The following SLC22A23 variants were observed in gnomAD, a reference collection of about 807,000 sequenced individuals.
SLC22A23 encodes solute carrier family 22 member 23.
In SLC22A23, 26 loss-of-function variants were observed where a neutral mutation model predicts 61.0. The observed-to-expected ratio is 0.43, with a 90% confidence interval of 0.31 to 0.59. SLC22A23 has a LOEUF of 0.59. SLC22A23 is among the 20% of genes least tolerant of loss of function. The pLI, the probability that SLC22A23 is intolerant of heterozygous loss-of-function variation, is 0.11. For synonymous variants in SLC22A23, 430 were observed against 413.9 expected (o/e 1.04, Z -0.47); for missense variants, 796 against 934.7 (o/e 0.85, Z 1.94).
chr6:3,418,930 C>T (rs142039596), intron 1 of SLC22A23, among the ~76,000 whole-genome samples: 17 of 152,212 alleles, frequency 1.1e-4, no homozygotes, highest in Middle Eastern at 3.4e-3. Flanking sequence ...AAAAATGTGT[C>T]GGGAAAAGAA....
intron 6 of SLC22A23, among the ~76,000 whole-genome samples, chr6:3,287,503 C>T (rs925433369): frequency 4.6e-5 from 7 of 152,088 alleles, no homozygotes; most frequent in Non-Finnish European, 8.8e-5. Context: ...CAGAGCAGCT[C>T]GCACGAGGCT....
rs957385912 is a variant in SLC22A23, at chr6:3,297,844, G to T, written c.1210+247C>A. Among the ~76,000 whole-genome samples, 1 of 152,194 alleles carries T rather than the reference G, an allele frequency of 6.6e-6. No individual in the cohort carries two copies. Among genetic ancestry groups the T allele is most frequent in the Non-Finnish European group, 1.5e-5 (1 of 68,042 alleles). On this transcript the variant is annotated intron_variant, in intron 5 of 9. Coordinates refer to ENST00000406686, the MANE Select transcript of SLC22A23 (RefSeq NM_015482.2). The surrounding 1 kb of genome is among the most constrained non-coding windows in gnomAD (Gnocchi z 4.3). ...TTGAGCAGTGTATATTGGGCTCATG[G>T]CTCGCTTCTGCATTTAGACAGGAGA...
chr6:3,289,974 A>T, intron 5 of SLC22A23, 108 bp from the exon 6 acceptor site: 23 of 570,952 alleles, frequency 4.0e-5, no homozygotes, highest in Non-Finnish European at 6.0e-5. Flanking sequence ...CAGAAGGGAG[A>T]GAGAAGCTTT....
chr6:3,286,998 G>A lies in SLC22A23; in HGVS notation c.1407C>T (p.Tyr469=), dbSNP rs760186741. Residue 469 remains tyrosine (Y), a synonymous_variant, in exon 7 of 10, where the codon TAC becomes TAT. Transcript: ENST00000406686. This position sits in a 1 kb window ranked among gnomAD's most constrained non-coding sequence, Gnocchi z 4.2. ...VPLLENFYAD[Y]YTTASIALVS... Reference sequence around the variant, plus strand: ...CCAGCGCGATGCTGGCCGTGGTATAGTAGTCAGCATAGAAGTTCTCCAGGA... The same window carrying A: ...CCAGCGCGATGCTGGCCGTGGTATAATAGTCAGCATAGAAGTTCTCCAGGA... The A allele has an allele frequency of 3.1e-6, 5 of 1,614,090 alleles. No individual in the cohort carries two copies. Among genetic ancestry groups the A allele is most frequent in the Admixed American group, 3.3e-5 (2 of 60,012 alleles).
Position 3,324,563 on chromosome 6 carries a change from G to C in SLC22A23, c.914-561C>G, listed in dbSNP as rs2127400916. ...GGCAACCTACTCACACTGTGAGACA[G>C]AGGGAGACTGAGCTAAGTCTCAGCT... is the stretch of plus-strand genomic sequence containing the variant. On this transcript the variant is annotated intron_variant, in intron 3 of 9. Coordinates refer to ENST00000406686, the MANE Select transcript of SLC22A23 (RefSeq NM_015482.2). The surrounding 1 kb of genome is among the most constrained non-coding windows in gnomAD (Gnocchi z 4.3). 6.6e-6 allele frequency among the ~76,000 whole-genome samples: 1 copy of C among 152,334 alleles called. No individual in the cohort carries two copies. The highest frequency in any genetic ancestry group is 1.9e-4 in the East Asian group (1 of 5,178).
At chr6:3,369,685 C>T (rs1213307327) in intron 3 of SLC22A23, among the ~76,000 whole-genome samples, 2 of 75,106 alleles carry the variant, frequency 2.7e-5, no homozygotes, top group Admixed American at 2.2e-4. Context: ...AGTGAGACTC[C>T]ATCTCAAAAA....
intron 5 of SLC22A23, among the ~76,000 whole-genome samples, chr6:3,294,768 A>T (rs1205908585): frequency 6.6e-6 from 1 of 152,220 alleles, no homozygotes; most frequent in Non-Finnish European, 1.5e-5. Context: ...ACACACCCAC[A>T]TATCTAAACT....
intron 3 of SLC22A23, among the ~76,000 whole-genome samples, chr6:3,408,329 A>G (rs1321000869): frequency 6.6e-6 from 1 of 152,242 alleles, no homozygotes; most frequent in Non-Finnish European, 1.5e-5. Flanking sequence ...CTTCAACATA[A>G]TATTTTGTAG....
chr6:3,348,133 G>A (rs1027328898), intron 3 of SLC22A23, among the ~76,000 whole-genome samples: 11 of 152,220 alleles, frequency 7.2e-5, no homozygotes, highest in African/African-American at 2.4e-4. Context: ...GAAGGCTCCA[G>A]GAGGAAAGAG....
At chr6:3,279,782 C>T (rs78408521) in intron 9 of SLC22A23, among the ~76,000 whole-genome samples, 3,270 of 152,132 alleles carry the variant, frequency 0.021, 118 homozygotes, top group African/African-American at 0.074. Flanking sequence ...GCTTGATTTA[C>T]GGACAGAGAA....
chr6:3,441,605 A>G (rs1343266310), intron 1 of SLC22A23, among the ~76,000 whole-genome samples: 2 of 152,048 alleles, frequency 1.3e-5, no homozygotes, highest in East Asian at 3.9e-4. Flanking sequence ...TTCCCTGCCC[A>G]CTGACGGAAG....
chr6:3,273,039 G>A lies in SLC22A23; in HGVS notation c.*16C>T, dbSNP rs575736243. 6.6e-7 allele frequency: 1 copy of A among 1,523,022 alleles called. No individual in the cohort carries two copies. Among genetic ancestry groups the A allele is most frequent in the Middle Eastern group, 1.8e-4 (1 of 5,610 alleles). 94.3% of individuals were successfully genotyped at this position (1,523,022 alleles called of 1,614,324 possible). ...AGCTGCCCCAGACCCTGGAGCCCCGGGTTCCGCAGGCCGGGCTACATGGCC... is the reference window on the plus strand; with the variant it reads ...AGCTGCCCCAGACCCTGGAGCCCCGAGTTCCGCAGGCCGGGCTACATGGCC... On this transcript the variant is annotated 3_prime_UTR_variant, in exon 10 of 10. Coordinates refer to ENST00000406686, the MANE Select transcript of SLC22A23 (RefSeq NM_015482.2).
chr6:3,288,054 C>T (rs1367601446), intron 6 of SLC22A23, among the ~76,000 whole-genome samples: 1 of 152,184 alleles, frequency 6.6e-6, no homozygotes, highest in Non-Finnish European at 1.5e-5. Flanking sequence ...TATTGCCCCA[C>T]ACGAGCGTAT....
At chr6:3,428,228 C>T (rs1174243030) in intron 1 of SLC22A23, among the ~76,000 whole-genome samples, 2 of 152,230 alleles carry the variant, frequency 1.3e-5, no homozygotes, top group African/African-American at 4.8e-5. Flanking sequence ...CAAGTCGCGG[C>T]CCTCACCAGA....
At chr6:3,407,412 C>T (rs6596966) in intron 3 of SLC22A23, among the ~76,000 whole-genome samples, 27,598 of 152,180 alleles carry the variant, frequency 0.18, 4,309 homozygotes, top group African/African-American at 0.43. Context: ...TCTCCTAAGA[C>T]TGCCATGTGT....
Position 3,374,875 on chromosome 6 carries a change from T to C in SLC22A23, c.913+35313A>G, listed in dbSNP as rs990972030. ...CCATCTCTGACATTCTTTCCCACTT[T>C]ATCCTTTTAGGATTCTAATAGACTC... is the stretch of plus-strand genomic sequence containing the variant. On this transcript the variant is annotated intron_variant, in intron 3 of 9. Coordinates refer to ENST00000406686, the MANE Select transcript of SLC22A23 (RefSeq NM_015482.2). Among the ~76,000 whole-genome samples, 6 of 152,322 alleles carry C rather than the reference T, an allele frequency of 3.9e-5. No individual in the cohort carries two copies. In the East Asian group the frequency reaches 1.2e-3, roughly 29 times the overall value.
intron 3 of SLC22A23, among the ~76,000 whole-genome samples, chr6:3,381,654 T>G (rs1204089377): frequency 6.6e-6 from 1 of 152,230 alleles, no homozygotes; most frequent in Non-Finnish European, 1.5e-5. Flanking sequence ...GCCTTCTCTC[T>G]GCTCCATTTA....
intron 3 of SLC22A23, among the ~76,000 whole-genome samples, chr6:3,405,320 TG>T (rs1169599147): frequency 6.6e-6 from 1 of 152,094 alleles, no homozygotes; most frequent in Non-Finnish European, 1.5e-5. Context: ...CTCATTTCCT[TG>T]GTGGAAATAG....
At chr6:3,298,630 G>A (rs1378296321) in intron 4 of SLC22A23, among the ~76,000 whole-genome samples, 1 of 152,196 alleles carries the variant, frequency 6.6e-6, no homozygotes, top group African/African-American at 2.4e-5. Context: ...ACTGTAGGAT[G>A]ACCATAGCTA....
Sources: gnomAD v4.1 joint callset for allele counts (sites outside exome capture counted in the v4.1 genomes callset) on GRCh38, gnomAD v4.1.1 for gene constraint, Gnocchi (gnomAD v3.1) non-coding constraint, MANE v1.5 for transcripts, NCBI Gene and HGNC (gene_info 2026-07-23, HGNC 2026-07-21) for gene names.